The following GRK4 variants were observed in gnomAD, a reference collection of about 807,000 sequenced individuals.
The protein encoded by GRK4 is G protein-coupled receptor kinase 2-like.
GRK4 carries 73 observed loss-of-function variants against 77.9 expected under a neutral mutation model. The observed-to-expected ratio is 0.94, with a 90% CI of 0.78 to 1.14. GRK4 has a LOEUF of 1.14. Among genes scored for constraint, GRK4 ranks in the 50% most tolerant of loss-of-function variants. The pLI, the probability that GRK4 is intolerant of heterozygous loss-of-function variation, is 0.00. For missense variants in GRK4, 729 were observed against 700.2 expected, an observed-to-expected ratio of 1.04 and a Z score of -0.46; for synonymous variants, 257 against 254.4, an observed-to-expected ratio of 1.01 and a Z score of -0.10.
intron 4 of GRK4, 113 bp from the exon 5 acceptor site, chr4:3,004,118 A>T: frequency 1.2e-6 from 1 of 802,802 alleles, no homozygotes; most frequent in Non-Finnish European, 2.1e-6. Context: ...TGGCACTTTG[A>T]CTTTCATTTT....
chr4:3,033,097 C>A (rs780764885), intron 12 of GRK4, among the ~76,000 whole-genome samples: 1 of 152,152 alleles, frequency 6.6e-6, no homozygotes, highest in Non-Finnish European at 1.5e-5. Context: ...AAAGATGGAG[C>A]CTTGGCTGGA....
intron 13 of GRK4, among the ~76,000 whole-genome samples, chr4:3,036,186 G>C (rs1740586964): frequency 6.6e-6 from 1 of 152,208 alleles, no homozygotes; most frequent in Non-Finnish European, 1.5e-5. Context: ...CCACAGCCGT[G>C]AGGCCCTGCT....
rs1038871758 is a variant in GRK4 at position 2,965,163 on chromosome 4, T to C, written c.52+1041T>C. ...GCTTAGTCTTTGTTCAAGGCTCAGC[T>C]TTTTGGATGTGAATCCACTGAGCTG... On this transcript the variant is annotated intron_variant, in intron 1 of 15. Transcript: ENST00000398052. 49 of 638,368 alleles carry C rather than the reference T, an allele frequency of 7.7e-5. No individual in the cohort carries two copies. The African/African-American group carries it at 7.9e-4, about 10-fold the overall frequency. 39.5% of individuals were successfully genotyped at this position (638,368 alleles called of 1,614,324 possible). A position where few individuals can be genotyped will look rare whatever the true frequency, so the allele number is the denominator to read the frequency against.
At chr4:3,023,415 A>C (rs1172157829) in intron 10 of GRK4, among the ~76,000 whole-genome samples, 1 of 152,190 alleles carries the variant, frequency 6.6e-6, no homozygotes, top group African/African-American at 2.4e-5. Flanking sequence ...ACACATGGCA[A>C]GGTCAGTGGC....
At chr4:3,036,373 C>T (rs1440381754) in intron 13 of GRK4, among the ~76,000 whole-genome samples, 11 of 152,374 alleles carry the variant, frequency 7.2e-5, no homozygotes, top group African/African-American at 2.6e-4. Context: ...TTCCGCCTCC[C>T]CACCTTGAGG....
chr4:2,994,420 A>G (rs1327542104), intron 4 of GRK4, among the ~76,000 whole-genome samples: 1 of 152,200 alleles, frequency 6.6e-6, no homozygotes, highest in Non-Finnish European at 1.5e-5. Context: ...CATATTGGCC[A>G]GGCTAGTCTC....
intron 4 of GRK4, among the ~76,000 whole-genome samples, chr4:3,001,516 G>A (rs1304452128): frequency 6.6e-6 from 1 of 151,602 alleles, no homozygotes; most frequent in Non-Finnish European, 1.5e-5. Flanking sequence ...ACAGGTGCCT[G>A]CCACCATGCC....
chr4:2,991,285 G>A (rs1391168908), intron 3 of GRK4, among the ~76,000 whole-genome samples: 1 of 152,138 alleles, frequency 6.6e-6, no homozygotes, highest in Non-Finnish European at 1.5e-5. Context: ...TTAGGTCAGA[G>A]CCACCTAGAT....
chr4:3,038,053 G>A (rs1741322327), intron 14 of GRK4, among the ~76,000 whole-genome samples: 1 of 152,316 alleles, frequency 6.6e-6, no homozygotes, highest in Non-Finnish European at 1.5e-5. Context: ...TGGACAGGAG[G>A]TAGCTATTTT....
At chr4:3,015,838 C>T (rs1478023586) in intron 8 of GRK4, among the ~76,000 whole-genome samples, 2 of 151,494 alleles carry the variant, frequency 1.3e-5, no homozygotes, top group African/African-American at 4.9e-5. Flanking sequence ...CTTTGGGAGG[C>T]CAAGGTGGGA....
At chr4:3,012,319 T>A (rs1251722785) in intron 7 of GRK4, among the ~76,000 whole-genome samples, 1 of 152,168 alleles carries the variant, frequency 6.6e-6, no homozygotes, top group African/African-American at 2.4e-5. Flanking sequence ...TAGGAAATAT[T>A]ACCTATTTTA....
chr4:3,038,398 A>G lies in GRK4; in HGVS notation c.1568A>G (p.Lys523Arg). Reference protein sequence around the residue: ...QNEMIESGCFKDINKSESEEA... With the variant: ...QNEMIESGCFRDINKSESEEA... ...CAGATGATCGAATCTGGGTGTTTCA[A>G]AGACATCAACAAAAGTGAAAGTGAG... The change falls in exon 15 of 16, where the codon AAA becomes AGA. Residue 523 changes from lysine to arginine, a missense_variant. Coordinates refer to ENST00000398052, the MANE Select transcript of GRK4 (RefSeq NM_182982.3). The G allele has an allele frequency of 6.2e-7, 1 of 1,614,210 alleles. No individual in the cohort carries two copies. Among genetic ancestry groups the G allele is most frequent in the Non-Finnish European group, 8.5e-7 (1 of 1,180,032 alleles).
chr4:3,026,503 G>A (rs1005890991), intron 10 of GRK4, among the ~76,000 whole-genome samples: 2 of 152,230 alleles, frequency 1.3e-5, no homozygotes, highest in African/African-American at 4.8e-5. Context: ...GCCAGGGTGG[G>A]AGGATCGCTT....
At chr4:3,003,575 T>G (rs1730459971) in intron 4 of GRK4, among the ~76,000 whole-genome samples, 1 of 152,216 alleles carries the variant, frequency 6.6e-6, no homozygotes, top group Non-Finnish European at 1.5e-5. Flanking sequence ...TTTAAAAGGC[T>G]GAATAATATT....
intron 15 of GRK4, among the ~76,000 whole-genome samples, 174 bp from the exon 16 acceptor site, chr4:3,040,398 G>A (rs1305705978): frequency 1.3e-5 from 2 of 152,080 alleles, no homozygotes; most frequent in East Asian, 3.9e-4. Flanking sequence ...CTGAGATCCT[G>A]CCATTGCACT....
chr4:3,002,862 G>A (rs1238703594), intron 4 of GRK4, among the ~76,000 whole-genome samples: 2 of 152,208 alleles, frequency 1.3e-5, no homozygotes, highest in East Asian at 3.9e-4. Flanking sequence ...TTTCCCATTT[G>A]CATGAGGAAA....
At chr4:2,968,482 T>A (rs551477296) in intron 1 of GRK4, among the ~76,000 whole-genome samples, 2 of 152,240 alleles carry the variant, frequency 1.3e-5, no homozygotes, top group South Asian at 4.1e-4. Flanking sequence ...GCTCAAAGAA[T>A]CAAAGTAAGA....
chr4:3,014,665 C>T lies in GRK4; in HGVS notation c.741+837C>T, dbSNP rs75310517. Among the ~76,000 whole-genome samples the T allele has an allele frequency of 9.3e-3, 1,407 of 152,034 alleles. 20 individuals carry two copies. Among genetic ancestry groups the T allele is most frequent in the African/African-American group, 0.033 (1,356 of 41,486 alleles). On this transcript the variant is annotated intron_variant, in intron 8 of 15. Coordinates refer to ENST00000398052, the MANE Select transcript of GRK4 (RefSeq NM_182982.3). ...AAAAAGAATTAGGTGGGCCTGGTGG[C>T]GCGTGCCTGTAGTCCCAGCTACTTG...
chr4:3,036,915 C>T (rs1740814809), intron 13 of GRK4, among the ~76,000 whole-genome samples: 2 of 152,196 alleles, frequency 1.3e-5, no homozygotes, highest in South Asian at 4.1e-4. Context: ...TGGCCTCTGT[C>T]CCTGTTCACA....
Sources: gnomAD v4.1 joint callset for allele counts (sites outside exome capture counted in the v4.1 genomes callset) on GRCh38, gnomAD v4.1.1 for gene constraint, MANE v1.5 for transcripts, NCBI Gene and HGNC (gene_info 2026-07-23, HGNC 2026-07-21) for gene names.